The following DAB1 variants were observed in gnomAD, a reference collection of about 807,000 sequenced individuals.
The protein encoded by DAB1 is disabled homolog 1.
In DAB1, 15 loss-of-function variants were observed where a neutral mutation model predicts 64.6. That is an observed-to-expected ratio of 0.23 (90% CI 0.16 to 0.36). The LOEUF (loss-of-function observed/expected upper bound fraction) is 0.36, where lower values mean the gene tolerates loss of function less well. DAB1 is among the 10% of genes least tolerant of loss of function. DAB1 has a pLI of 1.00. For missense variants in DAB1, 596 were observed against 706.7 expected (o/e 0.84, Z 1.78); for synonymous variants, 235 against 251.9 (o/e 0.93, Z 0.64).
chr1:57,296,485 T>A (rs1263027346), intron 1 of DAB1, among the ~76,000 whole-genome samples: 2 of 152,098 alleles, frequency 1.3e-5, no homozygotes, highest in Non-Finnish European at 2.9e-5. Context: ...ATTTCAGAGC[T>A]GGCGCATGGC....
chr1:57,965,189 G>T (rs765194302), intron 5 of DAB1, among the ~76,000 whole-genome samples: 1 of 151,046 alleles, frequency 6.6e-6, no homozygotes, highest in Non-Finnish European at 1.5e-5. Flanking sequence ...AAGTCAGATC[G>T]TAGAGAGTGT....
intron 1 of DAB1, among the ~76,000 whole-genome samples, chr1:57,831,302 T>C (rs541978588): frequency 1.1e-4 from 16 of 152,192 alleles, no homozygotes; most frequent in African/African-American, 3.9e-4. Flanking sequence ...AAATATGAAT[T>C]CCTTCAGACT....
chr1:57,070,876 A>AT, intron 7 of DAB1, 147 bp downstream of exon 7: 1 of 721,804 alleles, frequency 1.4e-6, no homozygotes, highest in East Asian at 2.5e-5. Flanking sequence ...TTGCTCCTGG[A>AT]GGGGCTGGCA....
intron 5 of DAB1, among the ~76,000 whole-genome samples, chr1:57,949,758 A>G (rs1255120516): frequency 6.6e-6 from 1 of 152,088 alleles, no homozygotes; most frequent in African/African-American, 2.4e-5. Flanking sequence ...CAGTCTAATA[A>G]TTTTCATCTC....
At chr1:57,424,816 C>A (rs1570503712), upstream of DAB1, among the ~76,000 whole-genome samples, 1 of 152,122 alleles carries the variant, frequency 6.6e-6, no homozygotes, top group South Asian at 2.1e-4. Context: ...GTCAAGTTTC[C>A]GTCAGTCCTC....
At chr1:58,434,267 G>A (rs1263072730) in intron 3 of DAB1, among the ~76,000 whole-genome samples, 2 of 152,186 alleles carry the variant, frequency 1.3e-5, no homozygotes, top group African/African-American at 2.4e-5. Context: ...ATCCAAGCAA[G>A]AATAGCAAGG....
At chr1:58,469,158 G>C (rs555854464) in intron 3 of DAB1, among the ~76,000 whole-genome samples, 3 of 152,300 alleles carry the variant, frequency 2.0e-5, no homozygotes, top group African/African-American at 7.2e-5. Context: ...GAGCTCTGCT[G>C]CCAGGAATCT....
In DAB1 at chr1:58,356,542, C is replaced by T. The variant is rs77399258; in HGVS notation, n.258-13139G>A. Among the ~76,000 whole-genome samples, 435 of 152,094 alleles carry T rather than the reference C, an allele frequency of 2.9e-3. 3 individuals carry two copies. Among genetic ancestry groups the T allele is most frequent in the Non-Finnish European group, 5.0e-3 (339 of 68,010 alleles). ...AGTGACATTTGGACTGTGATTTGAA[C>T]GACAAGCAGAGAACCAGCATGTAAG... On this transcript the variant is annotated intron_variant and non_coding_transcript_variant, in intron 3 of 20. Coordinates refer to the DAB1 transcript ENST00000485760.
chr1:58,460,729 A>G (rs1645235959), intron 3 of DAB1, among the ~76,000 whole-genome samples: 1 of 152,230 alleles, frequency 6.6e-6, no homozygotes, highest in African/African-American at 2.4e-5. Context: ...GACAGTGTGT[A>G]TAATGATTCA....
chr1:57,141,439 GGA>G (rs1296415867), intron 3 of DAB1, among the ~76,000 whole-genome samples: 1 of 152,038 alleles, frequency 6.6e-6, no homozygotes, highest in Non-Finnish European at 1.5e-5. Context: ...GGTGAGAAAG[GGA>G]GACTTTCTTA....
At chr1:57,105,019 A>G (rs547288416) in intron 4 of DAB1, among the ~76,000 whole-genome samples, 57 of 152,284 alleles carry the variant, frequency 3.7e-4, no homozygotes, top group African/African-American at 1.3e-3. Flanking sequence ...AAACTCCAAC[A>G]TTTGTACACA....
At chr1:57,708,486 T>A (rs1326907169) in intron 6 of DAB1, among the ~76,000 whole-genome samples, 2 of 152,220 alleles carry the variant, frequency 1.3e-5, no homozygotes, top group Non-Finnish European at 2.9e-5. Context: ...GTCCAGTGCT[T>A]CTGAGATCAG....
intron 7 of DAB1, among the ~76,000 whole-genome samples, chr1:57,597,282 A>G (rs1645522351): frequency 6.6e-6 from 1 of 152,228 alleles, no homozygotes; most frequent in Admixed American, 6.5e-5. Context: ...GCAAATCAAC[A>G]TGCCCTTCTT....
intron 7 of DAB1, among the ~76,000 whole-genome samples, chr1:57,472,269 C>T (rs1687165127): frequency 6.6e-6 from 1 of 152,242 alleles, no homozygotes; most frequent in Non-Finnish European, 1.5e-5. Flanking sequence ...GCCATCTTAA[C>T]TTCTGAGACT....
chr1:57,124,460 T>C (rs1656950687), intron 4 of DAB1, among the ~76,000 whole-genome samples: 1 of 152,136 alleles, frequency 6.6e-6, no homozygotes, highest in South Asian at 2.1e-4. Context: ...TCCTCAAAAG[T>C]GAGGTTATAA....
intron 2 of DAB1, among the ~76,000 whole-genome samples, chr1:57,269,282 G>A (rs1670812357): frequency 6.6e-6 from 1 of 152,120 alleles, no homozygotes; most frequent in African/African-American, 2.4e-5. Flanking sequence ...TGCCATGCAG[G>A]GATGGAGGGT....
At position 57,062,958 on chromosome 1, in the gene DAB1, A is replaced by C. The variant is rs778278752; in HGVS notation, c.664-15T>G. The stretch of plus-strand genomic sequence containing the variant: ...CTGGTGGGAACCTATGGAAAAATTA[A>C]ATTCAGCACAGTCAAAACACTCTGG... On this transcript the variant is annotated splice_polypyrimidine_tract_variant and intron_variant, in intron 8 of 14. Transcript: ENST00000371236. 6.2e-7 allele frequency: 1 copy of C among 1,612,754 alleles called. No individual in the cohort carries two copies. The highest frequency in any genetic ancestry group is 8.5e-7 in the Non-Finnish European group (1 of 1,178,770).
chr1:58,202,764 G>A lies in DAB1; in HGVS notation n.310-52176C>T, dbSNP rs138983781. ...ACCTGCACTATGGGGTTGCTTTGTC[G>A]ATATGTGTAATTGAGACTCTAGGGA... On this transcript the variant is annotated intron_variant and non_coding_transcript_variant, in intron 4 of 20. Coordinates refer to the DAB1 transcript ENST00000485760. Among the ~76,000 whole-genome samples, 47 of 152,176 alleles carry A rather than the reference G, an allele frequency of 3.1e-4. 1 individual carries two copies. The East Asian group carries it at 5.8e-3, about 19-fold the overall frequency.
chr1:57,384,199 T>C (rs1160475056), intron 1 of DAB1, among the ~76,000 whole-genome samples: 1 of 152,124 alleles, frequency 6.6e-6, no homozygotes, highest in Non-Finnish European at 1.5e-5. Flanking sequence ...GAGATATCAC[T>C]TCACATCTGT....
Sources: allele counts gnomAD v4.1 joint callset (sites outside exome capture counted in the v4.1 genomes callset), GRCh38; gene constraint gnomAD v4.1.1; transcripts MANE v1.5; gene names NCBI Gene and HGNC (gene_info 2026-07-23, HGNC 2026-07-21).